The following ADAM12 variants were observed in gnomAD, a reference collection of about 807,000 sequenced individuals.
The protein encoded by ADAM12 is ADAM metallopeptidase domain 12.
ADAM12 carries 70 observed loss-of-function variants against 106.4 expected under a neutral mutation model. The ratio of observed to expected loss-of-function variants is 0.66; its 90% confidence interval spans 0.54 to 0.80. The LOEUF is 0.80. Among genes scored for constraint, ADAM12 ranks in the 30% least tolerant of loss-of-function variants. The pLI, the probability that ADAM12 is intolerant of heterozygous loss-of-function variation, is 0.00. For missense variants in ADAM12, 1,010 were observed against 1,171.9 expected (o/e 0.86, Z 2.02); for synonymous variants, 420 against 433.5 (o/e 0.97, Z 0.39).
At chr10:126,131,104 C>CCT in intron 5 of ADAM12, among the ~76,000 whole-genome samples, 1 of 100,920 alleles carries the variant, frequency 9.9e-6, no homozygotes, top group Middle Eastern at 6.3e-3. Flanking sequence ...CAGCTGTCTT[C>CCT]TTTTTTTTTT....
At chr10:126,156,046 C>T (rs539411051) in intron 3 of ADAM12, among the ~76,000 whole-genome samples, 2 of 152,296 alleles carry the variant, frequency 1.3e-5, no homozygotes, top group South Asian at 2.1e-4. Context: ...CAATGTCTTA[C>T]ATAACATGCA....
intron 8 of ADAM12, among the ~76,000 whole-genome samples, chr10:126,107,042 A>T (rs1407954465): frequency 6.6e-6 from 1 of 152,206 alleles, no homozygotes; most frequent in Non-Finnish European, 1.5e-5. Context: ...TTTGCATACA[A>T]TATGAGCATG....
intron 12 of ADAM12, among the ~76,000 whole-genome samples, chr10:126,069,152 G>C (rs1328877719): frequency 1.3e-5 from 2 of 152,148 alleles, no homozygotes; most frequent in Non-Finnish European, 2.9e-5. Context: ...AAGTCTTTTT[G>C]CCTAAAATTC....
chr10:126,236,512 C>T (rs778764489), intron 3 of ADAM12, among the ~76,000 whole-genome samples: 1 of 152,072 alleles, frequency 6.6e-6, no homozygotes, highest in Non-Finnish European at 1.5e-5. Context: ...GCCTGGGCCA[C>T]AGAGGTGGAT....
chr10:126,277,431 G>C (rs561319663), intron 3 of ADAM12, among the ~76,000 whole-genome samples: 1 of 151,964 alleles, frequency 6.6e-6, no homozygotes, highest in African/African-American at 2.4e-5. Context: ...AAATCCAGCT[G>C]CCCACCACAA....
chr10:126,135,555 C>G, intron 5 of ADAM12, 29 bp downstream of exon 5: 1 of 1,606,254 alleles, frequency 6.2e-7, no homozygotes, highest in Non-Finnish European at 8.5e-7. Context: ...TGGCTGAAGA[C>G]TAGAGCCGCC....
chr10:126,172,899 C>T (rs1957144666), intron 3 of ADAM12, among the ~76,000 whole-genome samples: 1 of 152,208 alleles, frequency 6.6e-6, no homozygotes, highest in Non-Finnish European at 1.5e-5. Flanking sequence ...AAATGTGGCA[C>T]ATATACACCA....
intron 2 of ADAM12, among the ~76,000 whole-genome samples, chr10:126,325,185 G>C (rs1397606266): frequency 6.6e-6 from 1 of 152,182 alleles, no homozygotes; most frequent in African/African-American, 2.4e-5. Context: ...AAAGAAGAGA[G>C]GAGTTCAGAG....
chr10:126,359,707 G>C (rs1367994136), intron 1 of ADAM12, among the ~76,000 whole-genome samples: 2 of 152,180 alleles, frequency 1.3e-5, no homozygotes, highest in African/African-American at 4.8e-5. Flanking sequence ...TTGAGTGTCT[G>C]CAGCTTTTTC....
At chr10:126,034,851 G>T (rs1954030608) in intron 21 of ADAM12, among the ~76,000 whole-genome samples, 1 of 152,046 alleles carries the variant, frequency 6.6e-6, no homozygotes, top group Non-Finnish European at 1.5e-5. Flanking sequence ...AACTGGAGTG[G>T]ATATAATAAT....
chr10:126,370,737 T>C (rs1449128392), intron 1 of ADAM12, among the ~76,000 whole-genome samples: 1 of 152,210 alleles, frequency 6.6e-6, no homozygotes, highest in African/African-American at 2.4e-5. Flanking sequence ...GAAGAGTTCC[T>C]GGACATCATA....
intron 2 of ADAM12, among the ~76,000 whole-genome samples, chr10:126,329,087 C>A (rs1035463030): frequency 2.0e-5 from 3 of 150,914 alleles, no homozygotes; most frequent in Non-Finnish European, 2.9e-5. Flanking sequence ...CAAGACAGGA[C>A]ACATTCAGTT....
chr10:126,208,256 T>C (rs1466990897), intron 3 of ADAM12, among the ~76,000 whole-genome samples: 1 of 152,210 alleles, frequency 6.6e-6, no homozygotes, highest in Non-Finnish European at 1.5e-5. Context: ...TATCTGCAGA[T>C]ACTTTTGGTT....
intron 8 of ADAM12, among the ~76,000 whole-genome samples, chr10:126,108,353 C>T (rs189078337): frequency 2.0e-5 from 3 of 152,174 alleles, no homozygotes; most frequent in East Asian, 3.9e-4. Context: ...TCCACCTGAC[C>T]GGAAGAGAGC....
chr10:126,183,377 T>C (rs1957347652), intron 3 of ADAM12, among the ~76,000 whole-genome samples: 1 of 152,182 alleles, frequency 6.6e-6, no homozygotes, highest in Admixed American at 6.5e-5. Context: ...CTAGAAGGGT[T>C]GGGGACCACT....
intron 3 of ADAM12, among the ~76,000 whole-genome samples, chr10:126,268,074 T>A (rs934934510): frequency 6.6e-6 from 1 of 152,154 alleles, no homozygotes; most frequent in Non-Finnish European, 1.5e-5. Flanking sequence ...TCTCCATAAG[T>A]CTTTCATCAT....
At chr10:126,302,431 C>T (rs1044025742) in intron 2 of ADAM12, among the ~76,000 whole-genome samples, 6 of 152,110 alleles carry the variant, frequency 3.9e-5, no homozygotes, top group Admixed American at 6.6e-5. Flanking sequence ...TTTTATTATA[C>T]GATACTTTGA....
intron 3 of ADAM12, among the ~76,000 whole-genome samples, chr10:126,159,674 G>A (rs1956899177): frequency 6.6e-6 from 1 of 152,188 alleles, no homozygotes; most frequent in Non-Finnish European, 1.5e-5. Flanking sequence ...AGTCCATCAG[G>A]AAAGCTGGGG....
intron 1 of ADAM12, among the ~76,000 whole-genome samples, chr10:126,362,845 G>C (rs1305150918): frequency 1.3e-5 from 2 of 152,060 alleles, no homozygotes; most frequent in Non-Finnish European, 2.9e-5. Flanking sequence ...GGAGGAATAA[G>C]GTTTTTTGTT....
Sources: gnomAD v4.1 joint callset for allele counts (sites outside exome capture counted in the v4.1 genomes callset) on GRCh38, gnomAD v4.1.1 for gene constraint, MANE v1.5 for transcripts, NCBI Gene and HGNC (gene_info 2026-07-23, HGNC 2026-07-21) for gene names.